The following RBSN variants were observed in gnomAD, a reference collection of about 807,000 sequenced individuals.
RBSN encodes rabenosyn, RAB effector.
In RBSN, 34 loss-of-function variants were observed where a neutral mutation model predicts 60.5. That is an observed-to-expected ratio of 0.56 (90% CI 0.43 to 0.75). The LOEUF (loss-of-function observed/expected upper bound fraction) is 0.75, where lower values mean the gene tolerates loss of function less well. RBSN is among the 30% of genes least tolerant of loss of function. The pLI is 0.00. For missense variants in RBSN, 845 were observed against 986.8 expected, an observed-to-expected ratio of 0.86 and a Z score of 1.92; for synonymous variants, 322 against 366.9, an observed-to-expected ratio of 0.88 and a Z score of 1.40.
At position 15,086,042 on chromosome 3, in the gene RBSN, G is replaced by A. The variant is rs111541737; in HGVS notation, c.290-81C>T. The A allele has an allele frequency of 7.8e-5, 76 of 974,480 alleles. 1 individual carries two copies. In the African/African-American group the frequency reaches 9.7e-4, roughly 12 times the overall value. The allele number at this position is 974,480 out of a possible 1,614,324, so 60.4% of individuals were successfully genotyped here. Reference sequence around the variant, plus strand: ...AGTCTCTACCTTGCCTCTTATCCCAGTGAATTTCAAAAGCAGGTTGGTCAA... The same window carrying A: ...AGTCTCTACCTTGCCTCTTATCCCAATGAATTTCAAAAGCAGGTTGGTCAA... On this transcript the variant is annotated intron_variant, in intron 5 of 13. Coordinates refer to ENST00000253699, the MANE Select transcript of RBSN (RefSeq NM_022340.4).
In RBSN at chr3:15,082,258, T is replaced by C; in HGVS notation, c.840+109A>G. Reference sequence around the variant, plus strand: ...GGCCTTTAACAGGAACTACAAATAATTCAAACGAACAACTTCCCAAAGCAT... The same window carrying C: ...GGCCTTTAACAGGAACTACAAATAACTCAAACGAACAACTTCCCAAAGCAT... On this transcript the variant is annotated intron_variant, in intron 9 of 13. Coordinates refer to ENST00000253699, the MANE Select transcript of RBSN (RefSeq NM_022340.4). This position sits in a 1 kb window ranked among gnomAD's most constrained non-coding sequence, Gnocchi z 4.2. 6.9e-7 allele frequency: 1 copy of C among 1,441,050 alleles called. No individual in the cohort carries two copies. The highest frequency in any genetic ancestry group is 1.4e-5 in the African/African-American group (1 of 71,638). 89.3% of individuals were successfully genotyped at this position (1,441,050 alleles called of 1,614,324 possible).
chr3:15,075,201 AAAC>A, intron 13 of RBSN: 1 of 508,528 alleles, frequency 2.0e-6, no homozygotes, highest in Non-Finnish European at 3.5e-6. Context: ...TACTTTTCTT[AAAC>A]CTCTAAGGTC....
chr3:15,086,707 A>C (rs112817653), intron 5 of RBSN, among the ~76,000 whole-genome samples: 39 of 152,348 alleles, frequency 2.6e-4, no homozygotes, highest in African/African-American at 9.4e-4. Context: ...ATACTTTATA[A>C]ATTTGATACA....
rs1187555163 is a variant in RBSN at position 15,070,145 on chromosome 3, G to A, written c.*3637C>T. ...CCCAGAGTAGTGCATGCAAATCAAC[G>A]ACCCTCAAAGTGACAGTCATTGTCA... On this transcript the variant is annotated 3_prime_UTR_variant, in exon 14 of 14. Transcript: ENST00000253699. 8 of 152,350 alleles carry A rather than the reference G, an allele frequency of 5.3e-5. No homozygotes were observed. Among genetic ancestry groups the A allele is most frequent in the African/African-American group, 4.8e-5 (2 of 41,324 alleles). 9.4% of individuals were successfully genotyped at this position (152,350 alleles called of 1,614,324 possible). A position where few individuals can be genotyped will look rare whatever the true frequency, so the allele number is the denominator to read the frequency against.
At chr3:15,080,242 T>G (rs2043169500) in intron 10 of RBSN, among the ~76,000 whole-genome samples, 1 of 144,424 alleles carries the variant, frequency 6.9e-6, no homozygotes, top group African/African-American at 2.6e-5. Flanking sequence ...AGACTCCGTC[T>G]CGGAAAAAAA....
chr3:15,081,658 C>T (rs908543826), intron 9 of RBSN: 1 of 152,586 alleles, frequency 6.6e-6, no homozygotes, highest in South Asian at 2.1e-4. Context: ...GGCAAAATTA[C>T]ACTCTTCCTC....
At chr3:15,094,174 A>G (rs1024774196) in intron 4 of RBSN, among the ~76,000 whole-genome samples, 1 of 152,276 alleles carries the variant, frequency 6.6e-6, no homozygotes, top group African/African-American at 2.4e-5. Flanking sequence ...ACCCACTGGT[A>G]TCACCAGGTT....
At chr3:15,083,926 C>T (rs1346125969) in intron 8 of RBSN, among the ~76,000 whole-genome samples, 2 of 152,084 alleles carry the variant, frequency 1.3e-5, no homozygotes, top group Non-Finnish European at 2.9e-5. Context: ...GTACATCTCT[C>T]TTTAGAAAGC....
chr3:15,094,098 C>T (rs1256764782), intron 4 of RBSN, among the ~76,000 whole-genome samples: 3 of 152,062 alleles, frequency 2.0e-5, no homozygotes, highest in Non-Finnish European at 4.4e-5. Context: ...CTCTAAATAA[C>T]CTTAAACATT....
At position 15,077,779 on chromosome 3, in the gene RBSN, G is replaced by A. The variant is rs879666054; in HGVS notation, c.998+296C>T. Among the ~76,000 whole-genome samples the A allele has an allele frequency of 6.6e-6, 1 of 152,158 alleles. No individual in the cohort carries two copies. The highest frequency in any genetic ancestry group is 1.5e-5 in the Non-Finnish European group (1 of 68,042). On this transcript the variant is annotated intron_variant, in intron 11 of 13. Coordinates refer to ENST00000253699, the MANE Select transcript of RBSN (RefSeq NM_022340.4). This position sits in a 1 kb window ranked among gnomAD's most constrained non-coding sequence, Gnocchi z 4.4. ...CAGGATGTTAATCCCTACCTCACAG[G>A]GTAACTTCAGTAGAATAAATGAGCT...
rs763940571 is a variant in RBSN at position 15,080,740 on chromosome 3, T to C, written c.903A>G (p.Ala301=). The C allele has an allele frequency of 2.5e-5, 41 of 1,613,980 alleles. No homozygotes were observed. Among genetic ancestry groups the C allele is most frequent in the South Asian group, 2.5e-4 (23 of 91,074 alleles). Residue 301 remains alanine, a synonymous_variant, in exon 10 of 14, where the codon GCA becomes GCG. Transcript: ENST00000253699. ...QKAPEYIRMA[A]SLNAGETTYS... is the part of the protein sequence containing the mutation. ...ATAGATGAATAGCTTACTTTAATGA[T>C]GCTGCCATCCTGATGTATTCTGGAG...
rs1575099225 is a variant in RBSN, at chr3:15,085,888, G to C, written c.363C>G (p.Val121=). The change falls in exon 6 of 14, where the codon GTC becomes GTG. Residue 121 remains valine, a synonymous_variant. Transcript: ENST00000253699. ...TCTCTAACCTGATTATTAGTTTATTGACTTCCACAACATAGTGGTCAATTC... is the reference window on the plus strand; with the variant it reads ...TCTCTAACCTGATTATTAGTTTATTCACTTCCACAACATAGTGGTCAATTC... ...AARIDHYVVE[V]NKLIIRLEKL... 1 of 1,613,914 alleles carries C rather than the reference G, an allele frequency of 6.2e-7. No individual in the cohort carries two copies. The highest frequency in any genetic ancestry group is 8.5e-7 in the Non-Finnish European group (1 of 1,179,952).
Position 15,074,378 on chromosome 3 carries a change from T to C in RBSN, c.1759A>G (p.Lys587Glu), listed in dbSNP as rs534147204. Residue 587 changes from lysine to glutamate, a missense_variant, in exon 14 of 14, where the codon AAG (lysine) becomes GAG (glutamate). By Grantham distance (56) the Lys-to-Glu change is moderately conservative (BLOSUM62 1). Coordinates refer to ENST00000253699, the MANE Select transcript of RBSN (RefSeq NM_022340.4). The surrounding 1 kb of genome is among the most constrained non-coding windows in gnomAD (Gnocchi z 6.4). The part of the protein sequence containing the change: ...SSPVPSSTAP[K>E]TPSLSSTQPT... The stretch of plus-strand genomic sequence containing the variant: ...TGAGTTGAGCTAAGTGAAGGGGTCT[T>C]GGGAGCTGTGCTGCTTGGAACTGGG... The C allele has an allele frequency of 5.0e-6, 8 of 1,614,078 alleles. No homozygotes were observed. Among genetic ancestry groups the C allele is most frequent in the Admixed American group, 1.7e-5 (1 of 60,004 alleles).
chr3:15,094,616 C>G (rs1427526605), intron 4 of RBSN, among the ~76,000 whole-genome samples: 1 of 152,092 alleles, frequency 6.6e-6, no homozygotes, highest in African/African-American at 2.4e-5. Context: ...ATTTTTTTCC[C>G]TCCTAATAGT....
chr3:15,071,427 A>G lies in RBSN; in HGVS notation c.*2355T>C, dbSNP rs892969085. On this transcript the variant is annotated 3_prime_UTR_variant, in exon 14 of 14. Coordinates refer to ENST00000253699, the MANE Select transcript of RBSN (RefSeq NM_022340.4). ...CCCTCTAGAGTAACAGAGAAATGTC[A>G]TGGGCCTCAGGGAAGAAAAGAGGCC... The G allele has an allele frequency of 2.0e-5, 3 of 152,350 alleles. No homozygotes were observed. The highest frequency in any genetic ancestry group is 6.5e-5 in the Admixed American group (1 of 15,306). 9.4% of individuals were successfully genotyped at this position (152,350 alleles called of 1,614,324 possible).
chr3:15,073,649 G>T lies in RBSN; in HGVS notation c.*133C>A, dbSNP rs1461752399. On this transcript the variant is annotated 3_prime_UTR_variant, in exon 14 of 14. Coordinates refer to ENST00000253699, the MANE Select transcript of RBSN (RefSeq NM_022340.4). ...TCAAAGTGCGCAACACAAAACAGCA[G>T]ATTCCTGCCCCTCACCTGTGTGCAT... The T allele has an allele frequency of 1.1e-6, 1 of 923,884 alleles. No homozygotes were observed. Among genetic ancestry groups the T allele is most frequent in the Non-Finnish European group, 1.6e-6 (1 of 624,056 alleles). 57.2% of individuals were successfully genotyped at this position (923,884 alleles called of 1,614,324 possible).
intron 6 of RBSN, among the ~76,000 whole-genome samples, chr3:15,085,596 G>T (rs951985362): frequency 6.6e-5 from 10 of 152,182 alleles, no homozygotes; most frequent in Admixed American, 6.5e-4. Context: ...AAGGAAGAAA[G>T]GTTTTCCAGC....
intron 10 of RBSN, among the ~76,000 whole-genome samples, chr3:15,080,238 C>T (rs1356974493): frequency 1.3e-5 from 2 of 149,116 alleles, no homozygotes; most frequent in Non-Finnish European, 3.0e-5. Context: ...AGTGAGACTC[C>T]GTCTCGGAAA....
chr3:15,088,110 A>C (rs572293025), intron 5 of RBSN, among the ~76,000 whole-genome samples: 1 of 152,350 alleles, frequency 6.6e-6, no homozygotes, highest in East Asian at 1.9e-4. Context: ...TCACCCTAGT[A>C]ATCTCACATT....
Sources: allele counts gnomAD v4.1 joint callset (sites outside exome capture counted in the v4.1 genomes callset), GRCh38; gene constraint gnomAD v4.1.1; non-coding constraint Gnocchi (gnomAD v3.1); transcripts MANE v1.5; gene names NCBI Gene and HGNC (gene_info 2026-07-23, HGNC 2026-07-21).